The following KCNT1 variants were observed in gnomAD, a reference collection of about 807,000 sequenced individuals.
KCNT1 encodes potassium channel subfamily T member 1.
A neutral mutation model predicts 147.8 loss-of-function variants in KCNT1; 78 were observed. That is an observed-to-expected ratio of 0.53 (90% CI 0.44 to 0.64). KCNT1 has a LOEUF of 0.64. Among genes scored for constraint, KCNT1 ranks in the 30% least tolerant of loss-of-function variants. The pLI, the probability that KCNT1 is intolerant of heterozygous loss-of-function variation, is 0.00. For synonymous variants in KCNT1, 867 were observed against 748.8 expected, an observed-to-expected ratio of 1.16 and a Z score of -2.58; for missense variants, 1,419 against 1,750.3, an observed-to-expected ratio of 0.81 and a Z score of 3.38.
intron 29 of KCNT1, chr9:135,790,794 G>A (rs1223773677): frequency 6.6e-6 from 1 of 152,326 alleles, no homozygotes; most frequent in African/African-American, 2.4e-5. Flanking sequence ...TGTCCTTGGA[G>A]TCCTGGAACA....
At chr9:135,768,344 T>TGGCC in intron 13 of KCNT1, 2 of 25,720 alleles carry the variant, frequency 7.8e-5, no homozygotes, top group East Asian at 1.6e-3. Context: ...TGATGTGGGT[T>TGGCC]GGGGGGGGGG....
At chr9:135,763,483 T>C (rs1832050850) in intron 11 of KCNT1, among the ~76,000 whole-genome samples, 1 of 152,140 alleles carries the variant, frequency 6.6e-6, no homozygotes, top group Non-Finnish European at 1.5e-5. Context: ...CAGATATGTA[T>C]CCTCCGCCAG....
At chr9:135,727,905 A>C (rs1836284846) in intron 2 of KCNT1, among the ~76,000 whole-genome samples, 1 of 152,260 alleles carries the variant, frequency 6.6e-6, no homozygotes. Context: ...TAAAAAGGCG[A>C]GTGAGGGAAA....
intron 29 of KCNT1, chr9:135,788,060 T>C: frequency 6.7e-7 from 1 of 1,487,004 alleles, no homozygotes. Flanking sequence ...ATTCTCTCTC[T>C]CTCTCTTTCT....
rs111398098 is a variant in KCNT1, at chr9:135,776,101, A to C, written c.2349+686A>C. On this transcript the variant is annotated intron_variant, in intron 20 of 30. Transcript: ENST00000371757. ...CACTGGCGATGTTTACTTGGATCTCATGGCAAGCTGGGGTCAGTAGGGTTT... is the reference window on the plus strand; with the variant it reads ...CACTGGCGATGTTTACTTGGATCTCCTGGCAAGCTGGGGTCAGTAGGGTTT... 2.7e-3 allele frequency among the ~76,000 whole-genome samples: 408 copies of C among 151,854 alleles called. 1 individual carries two copies. Among genetic ancestry groups the C allele is most frequent in the South Asian group, 0.019 (93 of 4,778 alleles).
At chr9:135,733,228 ACTGCCCCCCATAC>A (rs1207843641) in intron 2 of KCNT1, among the ~76,000 whole-genome samples, 1 of 14,720 alleles carries the variant, frequency 6.8e-5, no homozygotes, top group Non-Finnish European at 1.3e-4. Context: ...TGCCCCCACA[ACTGCCCCCCATAC>A]CTGCCCCTGC....
At position 135,770,845 on chromosome 9, in the gene KCNT1, G is replaced by A. The variant is rs1832704068; in HGVS notation, c.1770-12G>A. 2 of 1,556,800 alleles carry A rather than the reference G, an allele frequency of 1.3e-6. No homozygotes were observed. The highest frequency in any genetic ancestry group is 8.7e-7 in the Non-Finnish European group (1 of 1,148,816). ...AGCGGCGGTACCTGAAGTTGCCGGT[G>A]CCTCTGCCCAGGTATGGCGTGTGCC... On this transcript the variant is annotated splice_polypyrimidine_tract_variant and intron_variant, in intron 17 of 30. Coordinates refer to ENST00000371757, the MANE Select transcript of KCNT1 (RefSeq NM_020822.3).
rs1046895347 is a variant in KCNT1 at position 135,702,189 on chromosome 9, C to T, written c.-70C>T. On this transcript the variant is annotated 5_prime_UTR_variant, in exon 1 of 31. Coordinates refer to ENST00000371757, the MANE Select transcript of KCNT1 (RefSeq NM_020822.3). ...AGGAAAAAAAAAATGTTTTTCAGGG[C>T]AACGCGAGGGAAGAAGGTGGCGGCT... 8.6e-7 allele frequency: 1 copy of T among 1,165,838 alleles called. No individual in the cohort carries two copies. The highest frequency in any genetic ancestry group is 1.6e-5 in the African/African-American group (1 of 63,856). 72.2% of individuals were successfully genotyped at this position (1,165,838 alleles called of 1,614,324 possible).
intron 17 of KCNT1, 137 bp from the exon 18 acceptor site, chr9:135,770,708 GCTCAGCCAAGGT>G: frequency 1.2e-6 from 1 of 854,462 alleles, no homozygotes; most frequent in Non-Finnish European, 1.8e-6. Flanking sequence ...GGACGGGAGG[GCTCAGCCAAGGT>G]CCCTGACCCC....
rs58746805 is a variant in KCNT1, at chr9:135,750,759, A to G, written c.335-183A>G. ...TGGGGCCAGGGACAGAGCCTCTTGG[A>G]GGCTGACCCAAGAGCATCAGCCCCC... is the stretch of plus-strand genomic sequence containing the variant. On this transcript the variant is annotated intron_variant, in intron 3 of 30. Transcript: ENST00000371757. Among the ~76,000 whole-genome samples, 751 of 152,280 alleles carry G rather than the reference A, an allele frequency of 4.9e-3. 5 individuals carry two copies. The highest frequency in any genetic ancestry group is 0.016 in the African/African-American group (685 of 41,568).
Position 135,768,670 on chromosome 9 carries a change from T to C in KCNT1, c.1398T>C (p.Ala466=). 6.5e-7 allele frequency: 1 copy of C among 1,550,258 alleles called. No homozygotes were observed. Among genetic ancestry groups the C allele is most frequent in the African/African-American group, 1.4e-5 (1 of 73,076 alleles). Residue 466 remains alanine, a synonymous_variant, in exon 14 of 31, where the codon GCT becomes GCC. Coordinates refer to ENST00000371757, the MANE Select transcript of KCNT1 (RefSeq NM_020822.3). Reference sequence around the variant, plus strand: ...GCAGGAACGAGGTGGACCGCACGGCTGCAGTGAGTGAGGCTGAGGCCCTGC... The same window carrying C: ...GCAGGAACGAGGTGGACCGCACGGCCGCAGTGAGTGAGGCTGAGGCCCTGC... The part of the protein sequence containing the change: ...LSSRNEVDRT[A]ADHQTILRAW...
At position 135,758,529 on chromosome 9, in the gene KCNT1, T is replaced by A. The variant is rs371497817; in HGVS notation, c.854+21T>A. 15 of 1,601,614 alleles carry A rather than the reference T, an allele frequency of 9.4e-6. No individual in the cohort carries two copies. In the African/African-American group the frequency reaches 1.9e-4, roughly 20 times the overall value. On this transcript the variant is annotated intron_variant, in intron 10 of 30. Coordinates refer to ENST00000371757, the MANE Select transcript of KCNT1 (RefSeq NM_020822.3). ...ACGGGGTGAGTGCCGGCCGTCAGTG[T>A]GAGCACCCCAGGACGTTGGGAGGGC...
intron 7 of KCNT1, 108 bp downstream of exon 7, chr9:135,757,040 C>A: frequency 1.0e-6 from 1 of 972,810 alleles, no homozygotes; most frequent in Non-Finnish European, 1.5e-6. Context: ...ACTTCCCAGC[C>A]TCATCCACTG....
intron 19 of KCNT1, 79 bp downstream of exon 19, chr9:135,773,028 T>C (rs961295686): frequency 5.0e-6 from 5 of 999,940 alleles, no homozygotes; most frequent in African/African-American, 3.4e-5. Flanking sequence ...CGGAGCATCC[T>C]TGGTGGTCCC....
chr9:135,749,191 T>C (rs999045477), intron 2 of KCNT1, among the ~76,000 whole-genome samples: 40 of 152,092 alleles, frequency 2.6e-4, no homozygotes, highest in Non-Finnish European at 2.6e-4. Flanking sequence ...AGACCCTGCG[T>C]CCAAGGCTGG....
chr9:135,766,537 ATCTGGGGTGGATCG>A (rs141661780), intron 13 of KCNT1: 5,995 of 150,792 alleles, frequency 0.04, 302 homozygotes, highest in African/African-American at 0.12. Flanking sequence ...TGGGTGGACC[ATCTGGGGTGGATCG>A]TCTGGGGTGG....
chr9:135,751,683 G>A (rs748807420), intron 4 of KCNT1, among the ~76,000 whole-genome samples: 3 of 152,188 alleles, frequency 2.0e-5, no homozygotes, highest in Non-Finnish European at 2.9e-5. Flanking sequence ...TGTGCCCAGC[G>A]TGCCTTGGCA....
At position 135,702,229 on chromosome 9, in the gene KCNT1, C is replaced by T. The variant is rs532536177; in HGVS notation, c.-30C>T. On this transcript the variant is annotated 5_prime_UTR_variant, in exon 1 of 31. Transcript: ENST00000371757. ...AGGTGGCGGCTCCCACTCGCTTCTC[C>T]CTCGGGTCGGGTCCGAGCTGCCAGG... 1.8e-5 allele frequency: 27 copies of T among 1,538,242 alleles called. 1 individual carries two copies. The East Asian group carries it at 6.0e-4, about 34-fold the overall frequency.
At chr9:135,764,982 C>G in intron 11 of KCNT1, 49 bp from the exon 12 acceptor site, 1 of 1,563,112 alleles carries the variant, frequency 6.4e-7, no homozygotes, top group East Asian at 2.3e-5. Context: ...ACCGGGAGCC[C>G]TCGCTCCCCA....
Sources: allele counts gnomAD v4.1 joint callset (sites outside exome capture counted in the v4.1 genomes callset), GRCh38; gene constraint gnomAD v4.1.1; transcripts MANE v1.5; gene names NCBI Gene and HGNC (gene_info 2026-07-23, HGNC 2026-07-21).